CUX2: variants seen among roughly 807,000 people sequenced by gnomAD.
CUX2 encodes cut like homeobox 2.
Under a neutral mutation model 144.8 loss-of-function variants are expected in CUX2, and 40 were observed. The ratio of observed to expected loss-of-function variants is 0.28; its 90% CI spans 0.21 to 0.36. The LOEUF (loss-of-function observed/expected upper bound fraction) is 0.36, where lower values mean the gene tolerates loss of function less well. Among genes scored for constraint, CUX2 ranks in the 10% least tolerant of loss-of-function variants. The pLI is 1.00. For missense variants in CUX2, 1,615 were observed against 1,994.0 expected (o/e 0.81, Z 3.62); for synonymous variants, 827 against 875.6 (o/e 0.94, Z 0.98).
chr12:111,324,808 T>C (rs1290888827), intron 18 of CUX2, among the ~76,000 whole-genome samples: 5 of 152,186 alleles, frequency 3.3e-5, no homozygotes, highest in Non-Finnish European at 5.9e-5. Flanking sequence ...CCCTTTCCTG[T>C]TTCTTTAAAA....
intron 1 of CUX2, among the ~76,000 whole-genome samples, chr12:111,145,213 T>C (rs1351303199): frequency 2.0e-5 from 3 of 152,218 alleles, no homozygotes; most frequent in African/African-American, 7.2e-5. Context: ...GGCTTTCATG[T>C]GTTAACATGC....
intron 1 of CUX2, among the ~76,000 whole-genome samples, chr12:111,173,595 T>A (rs1204662257): frequency 6.6e-6 from 1 of 152,126 alleles, no homozygotes; most frequent in Non-Finnish European, 1.5e-5. Context: ...TAGTGCTTCA[T>A]AGAGGTGAGG....
At chr12:111,154,045 A>C (rs921271972) in intron 1 of CUX2, among the ~76,000 whole-genome samples, 1 of 152,104 alleles carries the variant, frequency 6.6e-6, no homozygotes, top group African/African-American at 2.4e-5. Flanking sequence ...AGCTCATCTT[A>C]GCTTTTTTAC....
rs1417261697 is a variant in CUX2 at position 111,308,633 on chromosome 12, C to G, written c.1258+107C>G. ...ACTGCCTTCCATGCAGGCAGGAGAA[C>G]GACAGAACAACAGGTGTGCATTGAT... On this transcript the variant is annotated intron_variant, in intron 14 of 21. Coordinates refer to ENST00000261726, the MANE Select transcript of CUX2 (RefSeq NM_015267.4). The G allele has an allele frequency of 1.3e-5, 12 of 928,042 alleles. No individual in the cohort carries two copies. In the South Asian group the frequency reaches 1.9e-4, roughly 15 times the overall value. The allele number at this position is 928,042 out of a possible 1,614,324, so 57.5% of individuals were successfully genotyped here.
intron 1 of CUX2, among the ~76,000 whole-genome samples, chr12:111,122,709 A>T (rs1356300536): frequency 6.6e-6 from 1 of 152,190 alleles, no homozygotes; most frequent in Non-Finnish European, 1.5e-5. Context: ...ACCAGGGGAG[A>T]TCCTGCCAAT....
intron 2 of CUX2, among the ~76,000 whole-genome samples, chr12:111,214,837 TG>T (rs1881442203): frequency 6.6e-6 from 1 of 152,016 alleles, no homozygotes; most frequent in African/African-American, 2.4e-5. Flanking sequence ...GGGAGCTTGG[TG>T]GGGGACAGAG....
chr12:111,148,955 C>T (rs1398944426), intron 1 of CUX2, among the ~76,000 whole-genome samples: 1 of 152,092 alleles, frequency 6.6e-6, no homozygotes, highest in Non-Finnish European at 1.5e-5. Flanking sequence ...TATGATTGCA[C>T]CACTCCACTC....
intron 1 of CUX2, among the ~76,000 whole-genome samples, chr12:111,207,746 A>G (rs1270030578): frequency 6.6e-6 from 1 of 152,216 alleles, no homozygotes; most frequent in Non-Finnish European, 1.5e-5. Flanking sequence ...ATTGTTTCCT[A>G]TAAGGAACTT....
chr12:111,216,185 T>C (rs540518816), intron 2 of CUX2, among the ~76,000 whole-genome samples: 54 of 152,340 alleles, frequency 3.5e-4, no homozygotes, highest in African/African-American at 1.3e-3. Context: ...AATGCTCAGA[T>C]ACTTGAGTGT....
intron 21 of CUX2, among the ~76,000 whole-genome samples, chr12:111,345,610 C>G (rs1054762256): frequency 1.3e-5 from 2 of 151,364 alleles, no homozygotes; most frequent in Admixed American, 6.6e-5. Flanking sequence ...GGCGTGGTGG[C>G]GGGCGCCTGT....
chr12:111,248,121 G>A (rs1242082812), intron 3 of CUX2, among the ~76,000 whole-genome samples: 7 of 152,112 alleles, frequency 4.6e-5, no homozygotes, highest in Admixed American at 3.9e-4. Context: ...GGCTGGTCTT[G>A]AACTCCTGAC....
chr12:111,139,935 G>A (rs1335661193), intron 1 of CUX2, among the ~76,000 whole-genome samples: 2 of 152,104 alleles, frequency 1.3e-5, no homozygotes, highest in African/African-American at 4.8e-5. Flanking sequence ...TGTGACCTTG[G>A]GTAAGTCACT....
chr12:111,243,609 T>C lies in CUX2; in HGVS notation c.223-20152T>C, dbSNP rs183765664. Among the ~76,000 whole-genome samples the C allele has an allele frequency of 2.4e-3, 358 of 148,214 alleles. 2 individuals carry two copies. Among genetic ancestry groups the C allele is most frequent in the African/African-American group, 8.3e-3 (335 of 40,168 alleles). On this transcript the variant is annotated intron_variant, in intron 3 of 21. Transcript: ENST00000261726. ...GCCTCAAATTCCTGGGCTCAAGTGA[T>C]CCTCCCACCTCAGCCTCCCAAGTAG...
chr12:111,311,960 C>A, intron 15 of CUX2, 140 bp from the exon 16 acceptor site: 2 of 601,884 alleles, frequency 3.3e-6, no homozygotes, highest in Non-Finnish European at 3.0e-6. Flanking sequence ...GTTACATAGA[C>A]TAAGCAGTGG....
chr12:111,291,379 T>A (rs867440848), intron 4 of CUX2, 39 bp from the exon 5 acceptor site: 3 of 1,562,612 alleles, frequency 1.9e-6, no homozygotes. Context: ...TCCCTATCCA[T>A]CAGGCCCTCA....
intron 4 of CUX2, among the ~76,000 whole-genome samples, chr12:111,272,032 A>C (rs1273394688): frequency 6.6e-6 from 1 of 152,232 alleles, no homozygotes; most frequent in East Asian, 1.9e-4. Flanking sequence ...TAGCTTCTGA[A>C]TATCCGGTCC....
chr12:111,183,939 C>T (rs1460063061), intron 1 of CUX2, among the ~76,000 whole-genome samples: 1 of 152,144 alleles, frequency 6.6e-6, no homozygotes, highest in African/African-American at 2.4e-5. Flanking sequence ...TGGCTGGCAC[C>T]CATTGCTACC....
chr12:111,281,674 C>T (rs1885120873), intron 4 of CUX2, among the ~76,000 whole-genome samples: 1 of 152,234 alleles, frequency 6.6e-6, no homozygotes, highest in African/African-American at 2.4e-5. Flanking sequence ...AATGCACCAG[C>T]ACCAGTCACA....
In CUX2 at chr12:111,348,061, G is replaced by A. The variant is rs199519872; in HGVS notation, c.4197G>A (p.Ser1399=). 261 of 1,613,938 alleles carry A rather than the reference G, an allele frequency of 1.6e-4. 1 individual carries two copies. In the East Asian group the frequency reaches 4.8e-3, roughly 30 times the overall value. Residue 1399 remains serine (S), a synonymous_variant, in exon 22 of 22, where the codon TCG becomes TCA. Coordinates refer to ENST00000261726, the MANE Select transcript of CUX2 (RefSeq NM_015267.4). ...CSLEVSLNSP[S]AASSPGLMMS... Reference sequence around the variant, plus strand: ...TGGAGGTGTCACTGAACTCGCCCTCGGCCGCCTCCTCACCAGGCCTCATGA... The same window carrying A: ...TGGAGGTGTCACTGAACTCGCCCTCAGCCGCCTCCTCACCAGGCCTCATGA...
Sources: gnomAD v4.1 joint callset for allele counts (sites outside exome capture counted in the v4.1 genomes callset) on GRCh38, gnomAD v4.1.1 for gene constraint, MANE v1.5 for transcripts, NCBI Gene and HGNC (gene_info 2026-07-23, HGNC 2026-07-21) for gene names.